The following NAALADL2 variants were observed in gnomAD, a reference collection of about 807,000 sequenced individuals.
NAALADL2 encodes the protein N-acetylated alpha-linked acidic dipeptidase like 2.
In NAALADL2, 76 loss-of-function variants were observed where a neutral mutation model predicts 87.2. That is an observed-to-expected ratio of 0.87 (90% confidence interval 0.72 to 1.05). NAALADL2 has a LOEUF of 1.05. Among genes scored for constraint, NAALADL2 ranks in the 50% least tolerant of loss-of-function variants. NAALADL2 has a pLI of 0.00. For synonymous variants in NAALADL2, 354 were observed against 331.0 expected (o/e 1.07, Z -0.75); for missense variants, 1,089 against 945.8 (o/e 1.15, Z -1.99).
chr3:174,646,239 G>A (rs1342106839), intron 2 of NAALADL2, among the ~76,000 whole-genome samples: 1 of 152,078 alleles, frequency 6.6e-6, no homozygotes, highest in African/African-American at 2.4e-5. Context: ...CAAAAAGCCT[G>A]ATTCTGTAGT....
chr3:175,178,492 C>T (rs1418152976), intron 2 of NAALADL2, among the ~76,000 whole-genome samples: 2 of 151,990 alleles, frequency 1.3e-5, no homozygotes, highest in African/African-American at 2.4e-5. Context: ...GGGATGATCA[C>T]GTGAGTTTAT....
intron 2 of NAALADL2, among the ~76,000 whole-genome samples, chr3:175,131,154 CT>C (rs757205472): frequency 1.4e-3 from 187 of 130,792 alleles, no homozygotes; most frequent in Middle Eastern, 4.2e-3. Context: ...GTATTTTATT[CT>C]TTTTTTTTTT....
At chr3:174,708,518 C>T (rs531265161) in intron 2 of NAALADL2, among the ~76,000 whole-genome samples, 3 of 152,140 alleles carry the variant, frequency 2.0e-5, no homozygotes, top group Admixed American at 6.6e-5. Flanking sequence ...TTCAGTAATT[C>T]GTTAGGGACC....
At chr3:175,713,836 C>A (rs1054516037) in intron 11 of NAALADL2, among the ~76,000 whole-genome samples, 13 of 151,938 alleles carry the variant, frequency 8.6e-5, no homozygotes, top group Non-Finnish European at 1.5e-4. Context: ...ACCCATCAAC[C>A]CATCATCTAC....
chr3:174,933,649 A>C (rs1737239355), intron 1 of NAALADL2, among the ~76,000 whole-genome samples: 1 of 152,190 alleles, frequency 6.6e-6, no homozygotes, highest in Admixed American at 6.5e-5. Context: ...TTCTAAGCCT[A>C]TTGTGTTGCC....
At chr3:175,201,452 T>G (rs1740011122) in intron 2 of NAALADL2, among the ~76,000 whole-genome samples, 1 of 152,238 alleles carries the variant, frequency 6.6e-6, no homozygotes, top group Admixed American at 6.5e-5. Flanking sequence ...GATTATTTTT[T>G]ATTCTATGAG....
At chr3:175,050,654 TTGA>T (rs1755263684) in intron 1 of NAALADL2, among the ~76,000 whole-genome samples, 1 of 152,186 alleles carries the variant, frequency 6.6e-6, no homozygotes, top group Admixed American at 6.5e-5. Flanking sequence ...TGAAACCCTA[TTGA>T]TGATGTTAGT....
chr3:174,759,851 C>T (rs1296497548), intron 3 of NAALADL2, among the ~76,000 whole-genome samples: 1 of 152,072 alleles, frequency 6.6e-6, no homozygotes, highest in East Asian at 1.9e-4. Context: ...CAGGCACCTG[C>T]CACCACACCC....
chr3:175,746,613 G>A (rs1452020867), intron 12 of NAALADL2, among the ~76,000 whole-genome samples: 1 of 152,132 alleles, frequency 6.6e-6, no homozygotes, highest in African/African-American at 2.4e-5. Flanking sequence ...TTTTGTTCCT[G>A]TGGGAATTCT....
intron 3 of NAALADL2, among the ~76,000 whole-genome samples, chr3:174,762,102 C>T (rs1713055820): frequency 6.6e-6 from 1 of 151,396 alleles, no homozygotes; most frequent in Admixed American, 6.6e-5. Flanking sequence ...TTGATTTTTT[C>T]TATTTTTTGA....
chr3:174,954,844 C>T (rs1740925176), intron 1 of NAALADL2, among the ~76,000 whole-genome samples: 1 of 152,068 alleles, frequency 6.6e-6, no homozygotes, highest in Non-Finnish European at 1.5e-5. Flanking sequence ...GTTCATAAAA[C>T]ATTCATACAT....
chr3:174,958,082 C>G (rs1464290665), intron 1 of NAALADL2, among the ~76,000 whole-genome samples: 2 of 151,796 alleles, frequency 1.3e-5, no homozygotes, highest in South Asian at 4.2e-4. Context: ...ATCCTCCCCT[C>G]CGGAAGGAAC....
At chr3:175,581,113 TG>T in intron 10 of NAALADL2, 1 of 359,452 alleles carries the variant, frequency 2.8e-6, no homozygotes, top group Non-Finnish European at 5.7e-6. Flanking sequence ...ATGAGAAGAG[TG>T]ATGTTATCTT....
intron 11 of NAALADL2, among the ~76,000 whole-genome samples, chr3:175,682,418 GA>G (rs2149886296): frequency 6.6e-6 from 1 of 152,074 alleles, no homozygotes; most frequent in Non-Finnish European, 1.5e-5. Context: ...TACAGCTGCA[GA>G]AAGAATTAAT....
chr3:175,448,945 A>G (rs143402538), intron 6 of NAALADL2, among the ~76,000 whole-genome samples: 6 of 152,224 alleles, frequency 3.9e-5, no homozygotes, highest in Non-Finnish European at 8.8e-5. Flanking sequence ...TGAGCTCCCT[A>G]GATCAAGTGG....
intron 2 of NAALADL2, among the ~76,000 whole-genome samples, chr3:174,609,366 G>T (rs1459279346): frequency 1.3e-5 from 2 of 152,030 alleles, no homozygotes; most frequent in Non-Finnish European, 1.5e-5. Context: ...AAAAGAGGAA[G>T]TCAAATTGTC....
At position 175,214,707 on chromosome 3, in the gene NAALADL2, T is replaced by G. The variant is rs113881550; in HGVS notation, c.546-19224T>G. ...CATTATGAATGAAATTTGAGCTAAT[T>G]TTATTCATTCCTACTAAACTGGGTA... On this transcript the variant is annotated intron_variant, in intron 2 of 13. Transcript: ENST00000454872. Among the ~76,000 whole-genome samples the G allele has an allele frequency of 7.1e-3, 1,085 of 152,270 alleles. 17 individuals carry two copies. Among genetic ancestry groups the G allele is most frequent in the African/African-American group, 0.025 (1,048 of 41,556 alleles).
At chr3:174,908,021 G>GTTTTTTTTT (rs35051279) in intron 1 of NAALADL2, among the ~76,000 whole-genome samples, 1 of 82,564 alleles carries the variant, frequency 1.2e-5, no homozygotes, top group East Asian at 4.0e-4. Flanking sequence ...AGAGAAGTTG[G>GTTTTTTTTT]TTTTTTTTTT....
chr3:174,786,716 A>G (rs1578924970), intron 3 of NAALADL2, among the ~76,000 whole-genome samples: 1 of 152,120 alleles, frequency 6.6e-6, no homozygotes, highest in East Asian at 1.9e-4. Flanking sequence ...TTGTAATGTT[A>G]TATAAATGTC....
Sources: allele counts gnomAD v4.1 joint callset (sites outside exome capture counted in the v4.1 genomes callset), GRCh38; gene constraint gnomAD v4.1.1; transcripts MANE v1.5; gene names NCBI Gene and HGNC (gene_info 2026-07-23, HGNC 2026-07-21).